The following MAD1L1 variants were observed in gnomAD, a reference collection of about 807,000 sequenced individuals.
MAD1L1 encodes mitotic arrest deficient 1 like 1.
A neutral mutation model predicts 96.9 loss-of-function variants in MAD1L1; 95 were observed. The ratio of observed to expected loss-of-function variants is 0.98; its 90% CI spans 0.83 to 1.16. The LOEUF is 1.16. Among genes scored for constraint, MAD1L1 ranks in the 50% most tolerant of loss-of-function variants. The probability of loss-of-function intolerance (pLI) is 0.00; values close to 1 mark genes in which losing one functional copy is unlikely to be tolerated. For synonymous variants in MAD1L1, 473 were observed against 396.6 expected (o/e 1.19, Z -2.29); for missense variants, 1,007 against 954.4 (o/e 1.06, Z -0.73).
intron 15 of MAD1L1, among the ~76,000 whole-genome samples, chr7:1,961,929 C>T (rs1264120426): frequency 6.7e-6 from 1 of 150,104 alleles, no homozygotes; most frequent in Non-Finnish European, 1.5e-5. Context: ...ATACCATTCT[C>T]GTGTGTTGTG....
intron 11 of MAD1L1, among the ~76,000 whole-genome samples, chr7:2,130,685 TC>T (rs1788471649): frequency 6.6e-6 from 1 of 152,222 alleles, no homozygotes; most frequent in South Asian, 2.1e-4. Flanking sequence ...TCCGCGACTC[TC>T]TCTTCCTCTT....
chr7:1,946,898 C>T (rs985467872), intron 16 of MAD1L1, among the ~76,000 whole-genome samples: 6 of 152,364 alleles, frequency 3.9e-5, no homozygotes, highest in African/African-American at 7.2e-5. Context: ...TCGGCCTCGA[C>T]GGCCCGTTTC....
chr7:2,204,618 T>C (rs1792494377), intron 10 of MAD1L1, among the ~76,000 whole-genome samples: 1 of 152,238 alleles, frequency 6.6e-6, no homozygotes, highest in Non-Finnish European at 1.5e-5. Flanking sequence ...GACCCTTTCA[T>C]GTTTCCAAGC....
At chr7:1,880,212 G>A (rs1785607735) in intron 18 of MAD1L1, among the ~76,000 whole-genome samples, 1 of 152,176 alleles carries the variant, frequency 6.6e-6, no homozygotes, top group Admixed American at 6.5e-5. Flanking sequence ...TCAAACCTGG[G>A]CTGATGACAT....
chr7:1,841,718 C>T (rs997786471), intron 18 of MAD1L1, among the ~76,000 whole-genome samples: 10 of 152,238 alleles, frequency 6.6e-5, no homozygotes, highest in East Asian at 1.9e-4. Context: ...GCTTCCCTCG[C>T]GGGGCAGATG....
chr7:2,071,445 G>A (rs1785122842), intron 11 of MAD1L1, among the ~76,000 whole-genome samples: 1 of 152,232 alleles, frequency 6.6e-6, no homozygotes, highest in Non-Finnish European at 1.5e-5. Context: ...TGTGAAATAT[G>A]TAACTGATCG....
At chr7:2,042,947 C>G (rs1357609228) in intron 12 of MAD1L1, among the ~76,000 whole-genome samples, 2 of 152,182 alleles carry the variant, frequency 1.3e-5, no homozygotes, top group Non-Finnish European at 2.9e-5. Context: ...CTGCTGAGGG[C>G]CAGAGGACGC....
intron 9 of MAD1L1, among the ~76,000 whole-genome samples, chr7:2,214,166 A>G (rs532855796): frequency 1.3e-5 from 2 of 152,378 alleles, no homozygotes; most frequent in African/African-American, 4.8e-5. Context: ...CTCCCTGTGC[A>G]GACGGGGAGA....
At chr7:2,217,592 G>A (rs1017572504) in intron 7 of MAD1L1, among the ~76,000 whole-genome samples, 6 of 152,242 alleles carry the variant, frequency 3.9e-5, no homozygotes, top group African/African-American at 1.2e-4. Context: ...GGCACAGCCT[G>A]AGCTTGAGTC....
At chr7:2,095,979 A>G (rs1245154840) in intron 11 of MAD1L1, among the ~76,000 whole-genome samples, 1 of 152,214 alleles carries the variant, frequency 6.6e-6, no homozygotes, top group Non-Finnish European at 1.5e-5. Flanking sequence ...AGCAGGAGAG[A>G]CGGGGTCCCT....
intron 18 of MAD1L1, among the ~76,000 whole-genome samples, chr7:1,895,039 A>G (rs750970372): frequency 6.6e-6 from 1 of 152,116 alleles, no homozygotes; most frequent in African/African-American, 2.4e-5. Flanking sequence ...CACGTGTCCT[A>G]GGAGGGAAGC....
At chr7:1,892,090 T>A (rs1296566740) in intron 18 of MAD1L1, among the ~76,000 whole-genome samples, 2 of 152,134 alleles carry the variant, frequency 1.3e-5, no homozygotes, top group African/African-American at 4.8e-5. Context: ...CTTCCACCCT[T>A]CATACATCAT....
intron 15 of MAD1L1, among the ~76,000 whole-genome samples, chr7:1,974,272 A>C (rs1472073861): frequency 6.6e-6 from 1 of 152,244 alleles, no homozygotes; most frequent in African/African-American, 2.4e-5. Flanking sequence ...GATTCCTCGG[A>C]GAAGCACAGG....
intron 12 of MAD1L1, among the ~76,000 whole-genome samples, chr7:2,019,662 A>AC (rs1338874779): frequency 7.9e-6 from 1 of 126,346 alleles, no homozygotes; most frequent in Non-Finnish European, 1.7e-5. Context: ...AGCCCCAGCC[A>AC]CCCCCCACAC....
In MAD1L1 at chr7:1,870,829, AC is replaced by A. The variant is rs1255695722; in HGVS notation, c.1998+27370del. 1.8e-4 allele frequency among the ~76,000 whole-genome samples: 3 copies of A among 16,792 alleles called. 1 individual carries two copies. The highest frequency in any genetic ancestry group is 6.7e-3 in the South Asian group (2 of 300). The allele number at this position is 16,792 out of a possible 152,430, so 11.0% of individuals were successfully genotyped here. ...TGCCTGCCACGCTGAACCGACCATA[AC>A]ACCTGCCACGCTGAACCGACCATAA... On this transcript the variant is annotated intron_variant, in intron 18 of 18. Coordinates refer to ENST00000265854, the MANE Select transcript of MAD1L1 (RefSeq NM_001013836.2).
chr7:2,207,666 A>C (rs1319658032), intron 10 of MAD1L1, among the ~76,000 whole-genome samples: 1 of 152,192 alleles, frequency 6.6e-6, no homozygotes, highest in Non-Finnish European at 1.5e-5. Context: ...CCTTTATAAG[A>C]CATGACTAAA....
Position 2,069,251 on chromosome 7 carries a change from G to A in MAD1L1, c.1161C>T (p.Arg387=), listed in dbSNP as rs914067213. 79 of 1,611,742 alleles carry A rather than the reference G, an allele frequency of 4.9e-5. No homozygotes were observed. The highest frequency in any genetic ancestry group is 6.7e-5 in the African/African-American group (5 of 74,876). Residue 387 remains arginine (R), a synonymous_variant, in exon 12 of 19, where the codon CGC becomes CGT. Transcript: ENST00000265854. ...SGQLLEERKK[R]ETHEALARRL... ...TCCGGGCCAGCGCCTCGTGGGTCTC[G>A]CGCTTCTTCCTCTCCTCCAACAGCT...
chr7:1,989,628 C>T (rs1475933242), intron 14 of MAD1L1, among the ~76,000 whole-genome samples: 3 of 152,116 alleles, frequency 2.0e-5, no homozygotes, highest in Non-Finnish European at 2.9e-5. Context: ...GTCCCGGCAG[C>T]GCTCCAGCCT....
At chr7:2,099,972 G>A (rs1014199252) in intron 11 of MAD1L1, among the ~76,000 whole-genome samples, 4 of 152,258 alleles carry the variant, frequency 2.6e-5, no homozygotes, top group South Asian at 4.1e-4. Flanking sequence ...CACAGCTCAA[G>A]CCAAGGGGCT....
Sources: gnomAD v4.1 joint callset for allele counts (sites outside exome capture counted in the v4.1 genomes callset) on GRCh38, gnomAD v4.1.1 for gene constraint, MANE v1.5 for transcripts, NCBI Gene and HGNC (gene_info 2026-07-23, HGNC 2026-07-21) for gene names.